NAALADL2: variants seen among roughly 807,000 people sequenced by gnomAD.
NAALADL2 encodes the protein inactive N-acetylated-alpha-linked acidic dipeptidase-like protein 2.
NAALADL2 carries 76 observed loss-of-function variants against 87.2 expected under a neutral mutation model. The ratio of observed to expected loss-of-function variants is 0.87; its 90% CI spans 0.72 to 1.05. The LOEUF (loss-of-function observed/expected upper bound fraction) is 1.05. Among genes scored for constraint, NAALADL2 ranks in the 50% least tolerant of loss-of-function variants. The pLI, the probability that NAALADL2 is intolerant of heterozygous loss-of-function variation, is 0.00. For synonymous variants in NAALADL2, 354 were observed against 331.0 expected (o/e 1.07, Z -0.75); for missense variants, 1,089 against 945.8 (o/e 1.15, Z -1.99).
At chr3:174,469,262 G>C (rs1716744199) in intron 1 of NAALADL2, among the ~76,000 whole-genome samples, 1 of 151,146 alleles carries the variant, frequency 6.6e-6, no homozygotes, top group Non-Finnish European at 1.5e-5. Context: ...TCTCCAGACA[G>C]GGTCTTTTTT....
chr3:174,447,659 T>C (rs1715156369), intron 1 of NAALADL2, among the ~76,000 whole-genome samples: 1 of 151,658 alleles, frequency 6.6e-6, no homozygotes, highest in South Asian at 2.1e-4. Context: ...CTACTAAAAA[T>C]ACAAAAATAG....
chr3:175,668,628 C>A (rs1444395293), intron 11 of NAALADL2, among the ~76,000 whole-genome samples: 1 of 152,058 alleles, frequency 6.6e-6, no homozygotes, highest in Admixed American at 6.6e-5. Flanking sequence ...ATGTCCAAAT[C>A]TTAATGATTT....
intron 2 of NAALADL2, among the ~76,000 whole-genome samples, chr3:174,589,556 T>C (rs1717131391): frequency 6.6e-6 from 1 of 152,224 alleles, no homozygotes; most frequent in Non-Finnish European, 1.5e-5. Flanking sequence ...ATTGAGACTG[T>C]GCCATTTATG....
At chr3:175,011,248 GAGAC>G (rs547235073) in intron 1 of NAALADL2, among the ~76,000 whole-genome samples, 2,034 of 134,268 alleles carry the variant, frequency 0.015, 40 homozygotes, top group African/African-American at 0.063. Flanking sequence ...GAGAGGGAGA[GAGAC>G]AGAGAGAGAG....
At chr3:174,954,477 G>C (rs1740874458) in intron 1 of NAALADL2, among the ~76,000 whole-genome samples, 1 of 151,986 alleles carries the variant, frequency 6.6e-6, no homozygotes, top group Non-Finnish European at 1.5e-5. Context: ...TAAACCTCAG[G>C]ATATCCTATG....
chr3:175,396,149 C>G (rs1769750774), intron 5 of NAALADL2, among the ~76,000 whole-genome samples: 1 of 152,050 alleles, frequency 6.6e-6, no homozygotes, highest in East Asian at 1.9e-4. Context: ...GACCGTCTTC[C>G]TAGGTAACCA....
At chr3:174,700,984 G>A (rs538557254) in intron 2 of NAALADL2, among the ~76,000 whole-genome samples, 1 of 152,230 alleles carries the variant, frequency 6.6e-6, no homozygotes, top group South Asian at 2.1e-4. Flanking sequence ...GCAGCATTGT[G>A]ATCCACTGTT....
At chr3:174,881,818 G>T (rs1729226892) in intron 1 of NAALADL2, among the ~76,000 whole-genome samples, 1 of 152,096 alleles carries the variant, frequency 6.6e-6, no homozygotes, top group Non-Finnish European at 1.5e-5. Context: ...ATAAGTATGT[G>T]CAGAGAACAA....
At chr3:175,107,772 TGTG>T (rs148826217) in intron 2 of NAALADL2, among the ~76,000 whole-genome samples, 22,487 of 151,678 alleles carry the variant, frequency 0.15, 1,802 homozygotes, top group African/African-American at 0.21. Flanking sequence ...TTTTTTTTAA[TGTG>T]GTAATATTAA....
chr3:175,492,021 C>T (rs574071565), intron 9 of NAALADL2, among the ~76,000 whole-genome samples: 3 of 152,156 alleles, frequency 2.0e-5, no homozygotes, highest in Non-Finnish European at 2.9e-5. Context: ...CATAATTGAA[C>T]CTCTGGGTAA....
At chr3:175,288,484 T>A (rs964653331) in intron 4 of NAALADL2, among the ~76,000 whole-genome samples, 2 of 152,166 alleles carry the variant, frequency 1.3e-5, no homozygotes, top group African/African-American at 4.8e-5. Flanking sequence ...AAATTAAGCA[T>A]TTAAGGAAAA....
intron 4 of NAALADL2, among the ~76,000 whole-genome samples, chr3:175,281,486 T>G (rs1348600888): frequency 6.6e-6 from 1 of 151,962 alleles, no homozygotes; most frequent in Non-Finnish European, 1.5e-5. Flanking sequence ...ATTGATCAAT[T>G]TGATAAACCT....
At chr3:174,879,233 CA>C (rs1454941446) in intron 1 of NAALADL2, among the ~76,000 whole-genome samples, 3 of 152,208 alleles carry the variant, frequency 2.0e-5, no homozygotes, top group African/African-American at 7.2e-5. Context: ...TATTAAGGAA[CA>C]CCTTGACTAC....
At chr3:175,791,742 T>C (rs954127155) in intron 13 of NAALADL2, among the ~76,000 whole-genome samples, 1 of 151,928 alleles carries the variant, frequency 6.6e-6, no homozygotes, top group Non-Finnish European at 1.5e-5. Flanking sequence ...CTGTTACATA[T>C]AGTATATTGT....
chr3:175,064,362 A>T (rs1350364230), intron 1 of NAALADL2, among the ~76,000 whole-genome samples: 1 of 152,098 alleles, frequency 6.6e-6, no homozygotes, highest in African/African-American at 2.4e-5. Context: ...AGTCCAGGAT[A>T]TGTTACTTAT....
chr3:175,447,478 T>C (rs1203688844), intron 6 of NAALADL2, 106 bp downstream of exon 6: 2 of 735,538 alleles, frequency 2.7e-6, no homozygotes, highest in Non-Finnish European at 3.9e-6. Flanking sequence ...TTCAAAAACA[T>C]TGACTTTTGA....
At chr3:174,728,606 A>G (rs138694712) in intron 2 of NAALADL2, among the ~76,000 whole-genome samples, 6 of 152,020 alleles carry the variant, frequency 3.9e-5, no homozygotes, top group African/African-American at 1.4e-4. Flanking sequence ...GAGTTACTTG[A>G]TTTTTAGTCC....
intron 5 of NAALADL2, among the ~76,000 whole-genome samples, chr3:175,421,369 A>G (rs770691927): frequency 1.3e-5 from 2 of 152,050 alleles, no homozygotes; most frequent in Non-Finnish European, 2.9e-5. Context: ...AGACCTTGTG[A>G]ATCGTAATTC....
At chr3:175,509,888 A>T (rs1730897517) in intron 9 of NAALADL2, among the ~76,000 whole-genome samples, 1 of 151,980 alleles carries the variant, frequency 6.6e-6, no homozygotes, top group Admixed American at 6.6e-5. Context: ...TTTAGAGTAC[A>T]TGTGCACAAC....
Sources: gnomAD v4.1 joint callset for allele counts (sites outside exome capture counted in the v4.1 genomes callset) on GRCh38, gnomAD v4.1.1 for gene constraint, MANE v1.5 for transcripts, NCBI Gene and HGNC (gene_info 2026-07-23, HGNC 2026-07-21) for gene names.